ANKS1B: variants seen among roughly 807,000 people sequenced by gnomAD.
ANKS1B encodes the protein ankyrin repeat and sterile alpha motif domain-containing protein 1B.
In ANKS1B, 36 loss-of-function variants were observed where a neutral mutation model predicts 148.3. The ratio of observed to expected loss-of-function variants is 0.24; its 90% CI spans 0.19 to 0.32. The LOEUF (loss-of-function observed/expected upper bound fraction) is 0.32, where lower values mean the gene tolerates loss of function less well. ANKS1B is among the 10% of genes least tolerant of loss of function. The pLI is 1.00. For synonymous variants in ANKS1B, 542 were observed against 560.8 expected (o/e 0.97, Z 0.47); for missense variants, 1,157 against 1,542.6 (o/e 0.75, Z 4.19).
chr12:99,368,363 C>T (rs1446496305), intron 12 of ANKS1B, among the ~76,000 whole-genome samples: 4 of 151,110 alleles, frequency 2.6e-5, no homozygotes, highest in Non-Finnish European at 4.4e-5. Flanking sequence ...GCACATGTAC[C>T]CCATGAATCT....
intron 12 of ANKS1B, among the ~76,000 whole-genome samples, chr12:99,329,504 A>G (rs1282821021): frequency 6.6e-6 from 1 of 151,914 alleles, no homozygotes; most frequent in Non-Finnish European, 1.5e-5. Flanking sequence ...GAGTCTTGAT[A>G]TATAATTTTA....
chr12:98,840,476 G>T (rs1031284523), intron 17 of ANKS1B, among the ~76,000 whole-genome samples: 1 of 152,148 alleles, frequency 6.6e-6, no homozygotes, highest in East Asian at 1.9e-4. Flanking sequence ...AGAGAGCAAA[G>T]GATAGTGAGA....
At position 99,452,536 on chromosome 12, in the gene ANKS1B, G is replaced by T. The variant is rs185728986; in HGVS notation, c.1439-8727C>A. On this transcript the variant is annotated intron_variant, in intron 10 of 26. Transcript: ENST00000683438. ...AAATAGATAAATAAATAAGACCAAT[G>T]AAATCTTTACATTTTAAAGTAACTT... Among the ~76,000 whole-genome samples the T allele has an allele frequency of 4.4e-3, 663 of 152,206 alleles. 2 individuals carry two copies. The highest frequency in any genetic ancestry group is 6.4e-3 in the Non-Finnish European group (435 of 68,006).
At position 99,528,020 on chromosome 12, in the gene ANKS1B, T is replaced by C. The variant is rs569654932; in HGVS notation, c.1273-23379A>G. Among the ~76,000 whole-genome samples the C allele has an allele frequency of 9.9e-5, 15 of 151,842 alleles. No individual in the cohort carries two copies. In the South Asian group the frequency reaches 1.0e-3, roughly 11 times the overall value. On this transcript the variant is annotated intron_variant, in intron 9 of 26. Coordinates refer to ENST00000683438, the MANE Select transcript of ANKS1B (RefSeq NM_001352186.2). ...AAACAGCATGGTACTGGTGCTACAG[T>C]AGACACATAGACAAGCAGAACAGAG...
chr12:99,486,327 G>T (rs994136887), intron 10 of ANKS1B, among the ~76,000 whole-genome samples: 1 of 151,920 alleles, frequency 6.6e-6, no homozygotes, highest in Non-Finnish European at 1.5e-5. Flanking sequence ...TATAGTCTTT[G>T]CATGATGGCT....
chr12:99,067,749 A>G (rs180744512), intron 16 of ANKS1B, among the ~76,000 whole-genome samples: 121 of 152,248 alleles, frequency 7.9e-4, no homozygotes, highest in Non-Finnish European at 1.4e-3. Context: ...TTTTATATTT[A>G]TAGTTAAGGG....
intron 17 of ANKS1B, among the ~76,000 whole-genome samples, chr12:98,844,403 C>A (rs980947606): frequency 6.6e-6 from 1 of 152,102 alleles, no homozygotes; most frequent in Admixed American, 6.5e-5. Flanking sequence ...CCCCTGGAAC[C>A]CCACCAGAAG....
chr12:98,794,585 C>T, intron 22 of ANKS1B: 1 of 769,258 alleles, frequency 1.3e-6, no homozygotes, highest in Admixed American at 1.8e-5. Context: ...TTTTGTAAAT[C>T]TAAATGTCAT....
At position 98,745,809 on chromosome 12, in the gene ANKS1B, G is replaced by A; in HGVS notation, c.3788C>T (p.Pro1263Leu). ...PSEQKTLANL[P>L]WIVEPGQEAK... ...TTCTTGGCCCGGCTCCACAATCCAC[G>A]GTAGATTGGCCAGAGTCTTTTGCTC... Residue 1263 changes from proline (P) to leucine (L), a missense_variant, in exon 27 of 27, where the codon CCG becomes CTG. Physicochemically the swap from Pro to Leu is moderately conservative, Grantham distance 98. Around this residue, in one of 6 missense-constraint regions of ANKS1B, gnomAD observed 46 missense variants for 62.0 expected, o/e 0.74. Coordinates refer to ENST00000683438, the MANE Select transcript of ANKS1B (RefSeq NM_001352186.2). 6.2e-7 allele frequency: 1 copy of A among 1,613,618 alleles called. No homozygotes were observed. Among genetic ancestry groups the A allele is most frequent in the Non-Finnish European group, 8.5e-7 (1 of 1,179,704 alleles).
At chr12:99,439,146 C>T (rs888181601) in intron 11 of ANKS1B, among the ~76,000 whole-genome samples, 1 of 151,494 alleles carries the variant, frequency 6.6e-6, no homozygotes, top group African/African-American at 2.4e-5. Flanking sequence ...TAAATCTTGA[C>T]CCCCACCTCA....
intron 1 of ANKS1B, among the ~76,000 whole-genome samples, chr12:99,981,984 G>C (rs1456711209): frequency 1.3e-5 from 2 of 152,068 alleles, no homozygotes; most frequent in Admixed American, 6.5e-5. Context: ...AATAAAATGT[G>C]CCTTCTTAGG....
At chr12:99,907,661 A>C (rs2093834276) in intron 1 of ANKS1B, among the ~76,000 whole-genome samples, 1 of 152,192 alleles carries the variant, frequency 6.6e-6, no homozygotes, top group Admixed American at 6.5e-5. Context: ...GATAGCAGTT[A>C]AAATGGTGTT....
Position 99,787,160 on chromosome 12 carries a change from T to G in ANKS1B, c.670-5063A>C, listed in dbSNP as rs557454347. ...TTGATAGGGTTTGGCTATGTCCCCA[T>G]CCAAATCTCATCTTGAATTTTAGTT... On this transcript the variant is annotated intron_variant, in intron 4 of 26. Transcript: ENST00000683438. Among the ~76,000 whole-genome samples the G allele has an allele frequency of 5.8e-4, 89 of 152,282 alleles. 4 individuals are homozygous for G. In the South Asian group the frequency reaches 0.018, roughly 31 times the overall value.
chr12:99,276,704 AG>A (rs1185750578), intron 12 of ANKS1B, among the ~76,000 whole-genome samples: 1 of 152,232 alleles, frequency 6.6e-6, no homozygotes, highest in Non-Finnish European at 1.5e-5. Flanking sequence ...CCATTTTTAA[AG>A]TAAGGATAAT....
At chr12:99,571,155 T>C (rs925041393) in intron 9 of ANKS1B, among the ~76,000 whole-genome samples, 3 of 152,076 alleles carry the variant, frequency 2.0e-5, no homozygotes, top group Non-Finnish European at 2.9e-5. Context: ...TTTTAAAAGC[T>C]CAATTTTCTA....
chr12:99,843,178 T>C (rs1465435284), intron 1 of ANKS1B, among the ~76,000 whole-genome samples: 2 of 152,162 alleles, frequency 1.3e-5, no homozygotes, highest in African/African-American at 2.4e-5. Context: ...TTCTAGGAGA[T>C]AAGTTATTTC....
At chr12:99,350,588 T>C (rs2152383487) in intron 12 of ANKS1B, among the ~76,000 whole-genome samples, 1 of 152,116 alleles carries the variant, frequency 6.6e-6, no homozygotes. Context: ...AGCTAAAAAG[T>C]GGAAAACCAT....
chr12:99,917,197 A>G (rs2153792718), intron 1 of ANKS1B, among the ~76,000 whole-genome samples: 1 of 152,354 alleles, frequency 6.6e-6, no homozygotes, highest in South Asian at 2.1e-4. Flanking sequence ...CTTCATGATC[A>G]GATACAAGGA....
intron 9 of ANKS1B, among the ~76,000 whole-genome samples, chr12:99,552,772 GTGT>G (rs1399524357): frequency 2.0e-5 from 3 of 152,122 alleles, no homozygotes; most frequent in African/African-American, 7.2e-5. Context: ...ATAGAAAATG[GTGT>G]TGTATTTACA....
Sources: gnomAD v4.1 joint callset for allele counts (sites outside exome capture counted in the v4.1 genomes callset) on GRCh38, gnomAD v4.1.1 for gene constraint, gnomAD v4.1.1 regional missense constraint, MANE v1.5 for transcripts, NCBI Gene and HGNC (gene_info 2026-07-23, HGNC 2026-07-21) for gene names.